UTP20: variants seen among roughly 807,000 people sequenced by gnomAD.
UTP20 encodes small subunit processome component 20 homolog.
Under a neutral mutation model 329.5 loss-of-function variants are expected in UTP20, and 164 were observed. That is an observed-to-expected ratio of 0.50 (90% confidence interval 0.44 to 0.57). The LOEUF (loss-of-function observed/expected upper bound fraction) is 0.57, where lower values mean the gene tolerates loss of function less well. Among genes scored for constraint, UTP20 ranks in the 20% least tolerant of loss-of-function variants. The pLI is 0.00. For missense variants in UTP20, 3,055 were observed against 3,284.2 expected (o/e 0.93, Z 1.71); for synonymous variants, 1,151 against 1,159.3 (o/e 0.99, Z 0.14).
chr12:101,326,846 C>G (rs12318171), intron 25 of UTP20: 8,075 of 303,346 alleles, frequency 0.027, 614 homozygotes, highest in African/African-American at 0.16. Context: ...GCCTCAGCCC[C>G]TCAGGTAGCT....
chr12:101,280,254 C>T lies in UTP20; in HGVS notation c.-29C>T. 1 of 1,551,676 alleles carries T rather than the reference C, an allele frequency of 6.4e-7. No individual in the cohort carries two copies. Among genetic ancestry groups the T allele is most frequent in the South Asian group, 1.2e-5 (1 of 84,058 alleles). On this transcript the variant is annotated 5_prime_UTR_variant, in exon 1 of 62. Transcript: ENST00000261637. Reference sequence around the variant, plus strand: ...TTGCATCCCTTCGACACTCCCGAGGCCGTCGCGGGCCACTGGCCCTCTGCA... The same window carrying T: ...TTGCATCCCTTCGACACTCCCGAGGTCGTCGCGGGCCACTGGCCCTCTGCA...
At chr12:101,319,682 T>G in intron 23 of UTP20, 47 bp downstream of exon 23, 1 of 1,472,050 alleles carries the variant, frequency 6.8e-7, no homozygotes, top group Non-Finnish European at 9.2e-7. Context: ...TGAACTTTTC[T>G]CTATCATTTT....
At chr12:101,301,351 C>G (rs550254831) in intron 14 of UTP20, among the ~76,000 whole-genome samples, 10 of 151,924 alleles carry the variant, frequency 6.6e-5, no homozygotes, top group Non-Finnish European at 1.3e-4. Flanking sequence ...GAGAGCCCCC[C>G]CCGCCCAACT....
In UTP20 at chr12:101,352,202, C is replaced by G; in HGVS notation, c.5024+8C>G. ...TCAAAAACTGGGTGTCAGGTGTGGT[C>G]AAACTTCTTATTTTTGTTTTGTTTT... On this transcript the variant is annotated splice_region_variant and intron_variant, in intron 39 of 61. Coordinates refer to ENST00000261637, the MANE Select transcript of UTP20 (RefSeq NM_014503.3). The G allele has an allele frequency of 6.3e-7, 1 of 1,595,992 alleles. No individual in the cohort carries two copies. Among genetic ancestry groups the G allele is most frequent in the Non-Finnish European group, 8.5e-7 (1 of 1,175,698 alleles).
At chr12:101,322,632 TAGAG>T (rs1868402096) in intron 25 of UTP20, among the ~76,000 whole-genome samples, 1 of 152,210 alleles carries the variant, frequency 6.6e-6, no homozygotes, top group African/African-American at 2.4e-5. Context: ...TTCTATCAGA[TAGAG>T]AAAGTCTTTT....
rs768204318 is a variant in UTP20 at position 101,317,606 on chromosome 12, A to G, written c.2681A>G (p.Glu894Gly). The G allele has an allele frequency of 1.2e-6, 2 of 1,614,134 alleles. No individual in the cohort carries two copies. Among genetic ancestry groups the G allele is most frequent in the Non-Finnish European group, 1.7e-6 (2 of 1,180,026 alleles). Residue 894 changes from glutamate to glycine, a missense_variant, in exon 22 of 62, where the codon GAG becomes GGG. Transcript: ENST00000261637. ...AAGDDEELEE[E>G]AVPQDESSQK... ...GGAGATGATGAAGAGTTGGAGGAAG[A>G]GGCAGTGCCCCAAGATGAATCCTCA... is the stretch of plus-strand genomic sequence containing the variant.
At chr12:101,305,790 G>T (rs934306475) in intron 15 of UTP20, 125 bp from the exon 16 acceptor site, 1 of 1,132,900 alleles carries the variant, frequency 8.8e-7, no homozygotes, top group Non-Finnish European at 1.2e-6. Context: ...AGATATCCAC[G>T]TGAGACTTTT....
intron 21 of UTP20, among the ~76,000 whole-genome samples, chr12:101,312,647 T>G (rs1407324509): frequency 6.6e-6 from 1 of 151,886 alleles, no homozygotes; most frequent in Non-Finnish European, 1.5e-5. Context: ...TCCATGTTGG[T>G]CAGGCTGTTC....
chr12:101,301,593 G>A (rs2044014902), intron 14 of UTP20, among the ~76,000 whole-genome samples: 1 of 151,300 alleles, frequency 6.6e-6, no homozygotes, highest in South Asian at 2.1e-4. Context: ...ACTTGAACCT[G>A]GGAAGTGGAG....
At chr12:101,305,626 TATAA>T (rs946738612) in intron 15 of UTP20, among the ~76,000 whole-genome samples, 10 of 147,362 alleles carry the variant, frequency 6.8e-5, no homozygotes, top group African/African-American at 2.5e-4. Context: ...TATATATATA[TATAA>T]GTGGCTGTCA....
In UTP20 at chr12:101,286,398, C is replaced by T. The variant is rs147399996; in HGVS notation, c.404C>T (p.Ser135Leu). ...CCAGAGTTTTTTTTGACTATCACCT[C>T]GATCCTGGAGACTCAGGACACAGAG... ...HFPEFFLTIT[S>L]ILETQDTELL... Residue 135 changes from serine to leucine, a missense_variant, in exon 5 of 62, where the codon TCG (serine) becomes TTG (leucine). Physicochemically the swap from Ser to Leu is moderately radical, Grantham distance 145. Coordinates refer to ENST00000261637, the MANE Select transcript of UTP20 (RefSeq NM_014503.3). 3.0e-5 allele frequency: 49 copies of T among 1,613,696 alleles called. No individual in the cohort carries two copies. In the East Asian group the frequency reaches 4.5e-4, roughly 15 times the overall value.
chr12:101,304,484 GT>G (rs1424426374), intron 15 of UTP20, among the ~76,000 whole-genome samples: 6 of 152,172 alleles, frequency 3.9e-5, no homozygotes, highest in African/African-American at 1.2e-4. Flanking sequence ...AGGAACTAAA[GT>G]TTCAAAAGAA....
At chr12:101,385,278 G>A (rs1239216850) in intron 60 of UTP20, among the ~76,000 whole-genome samples, 9 of 152,188 alleles carry the variant, frequency 5.9e-5, no homozygotes, top group African/African-American at 2.2e-4. Context: ...CCAGGTTTCC[G>A]CTGGGAAGTG....
At chr12:101,335,599 T>C (rs1868907537) in intron 29 of UTP20, among the ~76,000 whole-genome samples, 1 of 152,240 alleles carries the variant, frequency 6.6e-6, no homozygotes, top group Non-Finnish European at 1.5e-5. Flanking sequence ...TCCATCTAAA[T>C]GTACATTCAG....
At chr12:101,301,382 A>AG (rs1385865436) in intron 14 of UTP20, among the ~76,000 whole-genome samples, 2 of 151,994 alleles carry the variant, frequency 1.3e-5, no homozygotes, top group Non-Finnish European at 2.9e-5. Context: ...ATTTAAAAAA[A>AG]TAAGGCTGGG....
At chr12:101,282,281 C>T (rs191575145) in intron 2 of UTP20, among the ~76,000 whole-genome samples, 94 of 152,122 alleles carry the variant, frequency 6.2e-4, no homozygotes, top group African/African-American at 2.1e-3. Flanking sequence ...GTCAAAAAAA[C>T]GGTGATCTAG....
intron 37 of UTP20, among the ~76,000 whole-genome samples, chr12:101,346,127 C>T (rs1869314871): frequency 6.6e-6 from 1 of 152,100 alleles, no homozygotes; most frequent in African/African-American, 2.4e-5. Context: ...TCTCAGCTCA[C>T]TGTAACCTCC....
chr12:101,302,051 C>T (rs1872534437), intron 14 of UTP20, among the ~76,000 whole-genome samples: 1 of 152,180 alleles, frequency 6.6e-6, no homozygotes, highest in African/African-American at 2.4e-5. Flanking sequence ...CCATCTCAGC[C>T]TCCTGAGTAG....
At chr12:101,361,853 TA>T in intron 43 of UTP20, 108 bp from the exon 44 acceptor site, 1 of 810,592 alleles carries the variant, frequency 1.2e-6, no homozygotes. Flanking sequence ...CTCCTGGCAA[TA>T]AAAGACATAT....
Sources: allele counts gnomAD v4.1 joint callset (sites outside exome capture counted in the v4.1 genomes callset), GRCh38; gene constraint gnomAD v4.1.1; transcripts MANE v1.5; gene names NCBI Gene and HGNC (gene_info 2026-07-23, HGNC 2026-07-21).